The following MCU variants were observed in gnomAD, a reference collection of about 807,000 sequenced individuals.
MCU encodes the protein calcium uniporter protein, mitochondrial.
In MCU, 12 loss-of-function variants were observed where a neutral mutation model predicts 45.2. That is an observed-to-expected ratio of 0.27 (90% confidence interval 0.17 to 0.43). MCU has a LOEUF of 0.43. Among genes scored for constraint, MCU ranks in the 20% least tolerant of loss-of-function variants. MCU has a pLI of 1.00. For synonymous variants in MCU, 160 were observed against 165.1 expected, an observed-to-expected ratio of 0.97 and a Z score of 0.24; for missense variants, 324 against 436.7, an observed-to-expected ratio of 0.74 and a Z score of 2.30.
rs372889040 is a variant in MCU at position 72,716,547 on chromosome 10, G to A, written c.150+24246G>A. On this transcript the variant is annotated intron_variant, in intron 1 of 7. Transcript: ENST00000373053. ...TTTTGCTTTCTCACTGGGTGTAGGC[G>A]TTCATTCAGTGGTAGGATGTTATTA... Among the ~76,000 whole-genome samples the A allele has an allele frequency of 1.1e-4, 16 of 152,034 alleles. No homozygotes were observed. In the South Asian group the frequency reaches 2.7e-3, roughly 26 times the overall value.
At chr10:72,699,858 C>T (rs756921106) in intron 1 of MCU, among the ~76,000 whole-genome samples, 8 of 151,958 alleles carry the variant, frequency 5.3e-5, no homozygotes, top group Non-Finnish European at 1.2e-4. Context: ...TCCCAAAGTA[C>T]TGGGGTTACA....
chr10:72,802,769 T>G (rs1844362705), intron 1 of MCU, among the ~76,000 whole-genome samples: 1 of 152,228 alleles, frequency 6.6e-6, no homozygotes, highest in African/African-American at 2.4e-5. Context: ...AAAACAATAT[T>G]TGTTTATATG....
chr10:72,721,274 G>A (rs1293093787), intron 1 of MCU, among the ~76,000 whole-genome samples: 2 of 152,100 alleles, frequency 1.3e-5, no homozygotes, highest in Non-Finnish European at 2.9e-5. Flanking sequence ...TTCTTCAAGG[G>A]GCCTACAGGT....
rs138101277 is a variant in MCU at position 72,793,798 on chromosome 10, T to A, written c.151-40561T>A. Reference sequence around the variant, plus strand: ...AGCATCCCAAAAGATCCGGGTGTGTTGCTTTTCATGACCTAGCTTCAGAAG... The same window carrying A: ...AGCATCCCAAAAGATCCGGGTGTGTAGCTTTTCATGACCTAGCTTCAGAAG... On this transcript the variant is annotated intron_variant, in intron 1 of 7. Transcript: ENST00000373053. 5.9e-3 allele frequency among the ~76,000 whole-genome samples: 902 copies of A among 152,246 alleles called. 12 individuals are homozygous for A. The highest frequency in any genetic ancestry group is 0.02 in the African/African-American group (850 of 41,542).
chr10:72,772,752 C>T (rs1331728904), intron 1 of MCU, among the ~76,000 whole-genome samples: 1 of 152,054 alleles, frequency 6.6e-6, no homozygotes, highest in Non-Finnish European at 1.5e-5. Flanking sequence ...AATAACAAAT[C>T]CTTCAAAGAC....
chr10:72,803,563 T>G (rs1029710366), intron 1 of MCU, among the ~76,000 whole-genome samples: 2 of 152,046 alleles, frequency 1.3e-5, no homozygotes, highest in African/African-American at 4.8e-5. Flanking sequence ...CAATTTTTTT[T>G]GTAATAAACT....
intron 1 of MCU, among the ~76,000 whole-genome samples, chr10:72,738,223 T>C (rs955528411): frequency 6.6e-6 from 1 of 152,146 alleles, no homozygotes; most frequent in Admixed American, 6.5e-5. Flanking sequence ...GGAGTAAACT[T>C]AATAAGTATC....
chr10:72,809,731 G>A (rs1317900527), intron 1 of MCU, among the ~76,000 whole-genome samples: 3 of 152,146 alleles, frequency 2.0e-5, no homozygotes, highest in Non-Finnish European at 2.9e-5. Flanking sequence ...AACAGAATAA[G>A]TATGAAAAAA....
At chr10:72,797,936 C>T (rs1174427614) in intron 1 of MCU, among the ~76,000 whole-genome samples, 1 of 152,148 alleles carries the variant, frequency 6.6e-6, no homozygotes, top group Non-Finnish European at 1.5e-5. Context: ...AATCATACCT[C>T]TTAGGGGGCA....
chr10:72,824,703 T>C (rs894002387), intron 1 of MCU, among the ~76,000 whole-genome samples: 5 of 152,220 alleles, frequency 3.3e-5, no homozygotes, highest in African/African-American at 9.6e-5. Context: ...TGGTATGAGT[T>C]TCACACTCAA....
intron 1 of MCU, among the ~76,000 whole-genome samples, chr10:72,779,414 G>A (rs1231517891): frequency 6.6e-6 from 1 of 152,184 alleles, no homozygotes; most frequent in African/African-American, 2.4e-5. Context: ...AGAGGCACAA[G>A]TGACAAAAGA....
At chr10:72,865,381 G>C (rs1226889019) in intron 4 of MCU, among the ~76,000 whole-genome samples, 1 of 152,144 alleles carries the variant, frequency 6.6e-6, no homozygotes, top group East Asian at 1.9e-4. Context: ...TTCAATAGCA[G>C]CATTGGTGTA....
chr10:72,853,998 G>T (rs1248977100), intron 2 of MCU, among the ~76,000 whole-genome samples: 1 of 152,108 alleles, frequency 6.6e-6, no homozygotes, highest in Admixed American at 6.6e-5. Context: ...GCTAAGTGTG[G>T]TGGTGTGTAC....
At chr10:72,782,172 T>G (rs1396993367) in intron 1 of MCU, among the ~76,000 whole-genome samples, 1 of 152,178 alleles carries the variant, frequency 6.6e-6, no homozygotes, top group Admixed American at 6.5e-5. Flanking sequence ...ATATTCCTCC[T>G]TAGCCTGCCC....
intron 1 of MCU, among the ~76,000 whole-genome samples, chr10:72,778,521 A>G (rs1270395196): frequency 6.6e-6 from 1 of 152,074 alleles, no homozygotes; most frequent in Non-Finnish European, 1.5e-5. Flanking sequence ...GAGGCTGGGA[A>G]TGGTTGGAGC....
intron 1 of MCU, among the ~76,000 whole-genome samples, chr10:72,763,387 G>A (rs776645336): frequency 3.9e-5 from 6 of 152,174 alleles, no homozygotes; most frequent in Admixed American, 6.5e-5. Flanking sequence ...CTCAAACTGG[G>A]TGAAGCGGGA....
chr10:72,883,295 G>A (rs1225319055), intron 6 of MCU, among the ~76,000 whole-genome samples: 1 of 152,152 alleles, frequency 6.6e-6, no homozygotes, highest in Admixed American at 6.5e-5. Context: ...TTCTAAAATT[G>A]TAGTAATGAT....
At chr10:72,700,028 G>T (rs1344289293) in intron 1 of MCU, among the ~76,000 whole-genome samples, 1 of 151,370 alleles carries the variant, frequency 6.6e-6, no homozygotes, top group Non-Finnish European at 1.5e-5. Flanking sequence ...CTTAAGCTGA[G>T]AGTGGTTCTA....
At chr10:72,851,437 G>GTTTAATTCACA (rs1360475064) in intron 2 of MCU, among the ~76,000 whole-genome samples, 4 of 152,202 alleles carry the variant, frequency 2.6e-5, no homozygotes, top group African/African-American at 9.7e-5. Flanking sequence ...TGGCTGAACA[G>GTTTAATTCACA]GAGACTGGAG....
Sources: gnomAD v4.1 joint callset for allele counts (sites outside exome capture counted in the v4.1 genomes callset) on GRCh38, gnomAD v4.1.1 for gene constraint, MANE v1.5 for transcripts, NCBI Gene and HGNC (gene_info 2026-07-23, HGNC 2026-07-21) for gene names.